The following BAG4 variants were observed in gnomAD, a reference collection of about 807,000 sequenced individuals.
BAG4 encodes the protein BAG cochaperone 4, also known as BAG family molecular chaperone regulator 4.
Under a neutral mutation model 52.1 loss-of-function variants are expected in BAG4, and 28 were observed. The observed-to-expected ratio is 0.54, with a 90% CI of 0.40 to 0.74. The LOEUF (loss-of-function observed/expected upper bound fraction) is 0.74. BAG4 is among the 30% of genes least tolerant of loss of function. The pLI is 0.00. For missense variants in BAG4, 525 were observed against 572.0 expected, an observed-to-expected ratio of 0.92 and a Z score of 0.84; for synonymous variants, 208 against 217.0, an observed-to-expected ratio of 0.96 and a Z score of 0.37.
intron 2 of BAG4, among the ~76,000 whole-genome samples, chr8:38,198,151 A>G (rs964500041): frequency 2.0e-5 from 3 of 151,772 alleles, no homozygotes; most frequent in Non-Finnish European, 2.9e-5. Flanking sequence ...TTGGGAGGCC[A>G]AGGCGGGCAG....
intron 2 of BAG4, among the ~76,000 whole-genome samples, chr8:38,197,517 G>A (rs1418194617): frequency 6.6e-6 from 1 of 152,190 alleles, no homozygotes; most frequent in Admixed American, 6.5e-5. Context: ...AATGGAACTT[G>A]CAGGACTGGA....
chr8:38,179,022 G>C (rs908120746), intron 1 of BAG4, among the ~76,000 whole-genome samples: 6 of 152,238 alleles, frequency 3.9e-5, no homozygotes, highest in Admixed American at 3.9e-4. Context: ...AATCAGTGGT[G>C]ATGGTTGCAC....
chr8:38,194,857 T>TG (rs1306514964), intron 2 of BAG4, among the ~76,000 whole-genome samples: 23 of 149,504 alleles, frequency 1.5e-4, no homozygotes, highest in African/African-American at 5.4e-4. Flanking sequence ...GTTTTTTTTT[T>TG]TTTTTGTTTT....
At chr8:38,188,245 C>T (rs1222638773) in intron 1 of BAG4, among the ~76,000 whole-genome samples, 1 of 151,032 alleles carries the variant, frequency 6.6e-6, no homozygotes, top group Non-Finnish European at 1.5e-5. Context: ...ACATGTAAAT[C>T]CAGCTATATC....
In BAG4 at chr8:38,188,309, TA is replaced by T. The variant is rs34790731; in HGVS notation, c.271-4369del. 7.1e-4 allele frequency among the ~76,000 whole-genome samples: 106 copies of T among 148,532 alleles called. 2 individuals carry two copies. In the South Asian group the frequency reaches 0.019, roughly 27 times the overall value. Reference sequence around the variant, plus strand: ...AATCTAGTCAGAAGACAGACTGGATTAAAAAAAAAACAAGATCCAATTATAT... The same window carrying T: ...AATCTAGTCAGAAGACAGACTGGATTAAAAAAAAACAAGATCCAATTATAT... On this transcript the variant is annotated intron_variant, in intron 1 of 4. Transcript: ENST00000287322.
intron 2 of BAG4, among the ~76,000 whole-genome samples, chr8:38,194,866 T>TG (rs1477483885): frequency 8.4e-5 from 12 of 142,988 alleles, no homozygotes; most frequent in African/African-American, 1.3e-4. Flanking sequence ...TTTTTTTGTT[T>TG]TTTTTTTTGG....
In BAG4 at chr8:38,180,522, C is replaced by CAAAAA. The variant is rs1161178024; in HGVS notation, c.270+3405_270+3409dup. Among the ~76,000 whole-genome samples, 8 of 26,488 alleles carry CAAAAA rather than the reference C, an allele frequency of 3.0e-4. 2 individuals carry two copies. The highest frequency in any genetic ancestry group is 4.3e-4 in the Admixed American group (1 of 2,348). The allele number at this position is 26,488 out of a possible 152,430, so 17.4% of individuals were successfully genotyped here. Reference sequence around the variant, plus strand: ...TGGGCAGCAAAGCGAGACTCCGTCTCAAAAAAAAAAAAAAAAAAAAAAAAA... The same window carrying CAAAAA: ...TGGGCAGCAAAGCGAGACTCCGTCTCAAAAAAAAAAAAAAAAAAAAAAAAAAAAAA... On this transcript the variant is annotated intron_variant, in intron 1 of 4. Coordinates refer to ENST00000287322, the MANE Select transcript of BAG4 (RefSeq NM_004874.4).
chr8:38,183,036 CTTT>C (rs539995423), intron 1 of BAG4, among the ~76,000 whole-genome samples: 1 of 100,110 alleles, frequency 1.0e-5, no homozygotes, highest in African/African-American at 3.7e-5. Context: ...ACTGACCCAT[CTTT>C]TTTTTTTTTT....
At chr8:38,202,751 A>C (rs1803703266) in intron 2 of BAG4, 1 of 151,784 alleles carries the variant, frequency 6.6e-6, no homozygotes, top group South Asian at 2.1e-4. Context: ...TTTGTTGCCC[A>C]GGCTGGTCTG....
chr8:38,189,627 G>C (rs1803434739), intron 1 of BAG4, among the ~76,000 whole-genome samples: 1 of 152,140 alleles, frequency 6.6e-6, no homozygotes, highest in African/African-American at 2.4e-5. Flanking sequence ...CTACCTGTGT[G>C]TCTTCTCATC....
At position 38,210,757 on chromosome 8, in the gene BAG4, G is replaced by C. The variant is rs751610425; in HGVS notation, c.*264G>C. The C allele has an allele frequency of 6.6e-5, 20 of 302,722 alleles. No homozygotes were observed. The highest frequency in any genetic ancestry group is 2.7e-4 in the African/African-American group (12 of 45,226). 18.8% of individuals were successfully genotyped at this position (302,722 alleles called of 1,614,324 possible). On this transcript the variant is annotated 3_prime_UTR_variant, in exon 5 of 5. Transcript: ENST00000287322. Reference sequence around the variant, plus strand: ...TAGACTCACTCCTTAAAAAATTTATGGATATCTACAAGCTGCTTCTTACCA... The same window carrying C: ...TAGACTCACTCCTTAAAAAATTTATCGATATCTACAAGCTGCTTCTTACCA...
intron 1 of BAG4, among the ~76,000 whole-genome samples, chr8:38,191,108 A>T (rs542269170): frequency 6.6e-6 from 1 of 152,162 alleles, no homozygotes; most frequent in Non-Finnish European, 1.5e-5. Context: ...ATTCATACTG[A>T]TATTTACAAT....
In BAG4 at chr8:38,209,258, G is replaced by A; in HGVS notation, c.879G>A (p.Gln293=). ...SPQSPPSPPV[Q]QPKDSSYPYS... ...AGTCACCCCCTTCACCCCCAGTCCA[G>A]CAGCCCAAGGTAGGAGACCTAAATG... is the stretch of plus-strand genomic sequence containing the variant. The change falls in exon 4 of 5, where the codon CAG becomes CAA. Residue 293 remains glutamine (Q), a synonymous_variant. Transcript: ENST00000287322. The A allele has an allele frequency of 6.2e-7, 1 of 1,614,128 alleles. No homozygotes were observed. Among genetic ancestry groups the A allele is most frequent in the South Asian group, 1.1e-5 (1 of 91,084 alleles).
At position 38,211,202 on chromosome 8, in the gene BAG4, C is replaced by CTTTTTTTTTTTTT. The variant is rs758224495; in HGVS notation, c.*719_*731dup. 1 of 93,672 alleles carries CTTTTTTTTTTTTT rather than the reference C, an allele frequency of 1.1e-5. No individual in the cohort carries two copies. The highest frequency in any genetic ancestry group is 1.1e-4 in the Admixed American group (1 of 8,826). The allele number at this position is 93,672 out of a possible 1,614,324, so 5.8% of individuals were successfully genotyped here. Reference sequence around the variant, plus strand: ...ATCATTAGGTTAGAGTTTTTTTCTTCTTTTTTTTTTTTTTTTTTTTTTACC... The same window carrying CTTTTTTTTTTTTT: ...ATCATTAGGTTAGAGTTTTTTTCTTCTTTTTTTTTTTTTTTTTTTTTTTTTTTTTTTTTTTACC... On this transcript the variant is annotated 3_prime_UTR_variant, in exon 5 of 5. Transcript: ENST00000287322.
chr8:38,191,402 A>C (rs1803471393), intron 1 of BAG4, among the ~76,000 whole-genome samples: 1 of 152,174 alleles, frequency 6.6e-6, no homozygotes, highest in Admixed American at 6.6e-5. Flanking sequence ...CTGCCAATGA[A>C]TTTCTTTGTG....
intron 3 of BAG4, among the ~76,000 whole-genome samples, chr8:38,208,201 T>G (rs1050852520): frequency 6.6e-6 from 1 of 151,456 alleles, no homozygotes; most frequent in Non-Finnish European, 1.5e-5. Flanking sequence ...GGTCTTGATC[T>G]CCTGACCTCG....
chr8:38,209,274 G>T lies in BAG4; in HGVS notation c.888+7G>T. On this transcript the variant is annotated splice_region_variant and intron_variant, in intron 4 of 4. Coordinates refer to ENST00000287322, the MANE Select transcript of BAG4 (RefSeq NM_004874.4). ...CCCAGTCCAGCAGCCCAAGGTAGGA[G>T]ACCTAAATGTTGTTCCTTTAATGTG... is the stretch of plus-strand genomic sequence containing the variant. 2 of 1,614,098 alleles carry T rather than the reference G, an allele frequency of 1.2e-6. No individual in the cohort carries two copies. Among genetic ancestry groups the T allele is most frequent in the Non-Finnish European group, 1.7e-6 (2 of 1,180,010 alleles).
chr8:38,193,102 A>G (rs1000586552), intron 2 of BAG4, among the ~76,000 whole-genome samples: 15 of 152,302 alleles, frequency 9.8e-5, no homozygotes, highest in African/African-American at 3.1e-4. Flanking sequence ...TATAAAAAGT[A>G]CAGAAAATAT....
chr8:38,207,919 A>G (rs1803800097), intron 3 of BAG4, among the ~76,000 whole-genome samples, 153 bp downstream of exon 3: 1 of 151,852 alleles, frequency 6.6e-6, no homozygotes, highest in Non-Finnish European at 1.5e-5. Flanking sequence ...TGTGGCAGCT[A>G]TTGCAGTAAA....
Sources: gnomAD v4.1 joint callset for allele counts (sites outside exome capture counted in the v4.1 genomes callset) on GRCh38, gnomAD v4.1.1 for gene constraint, MANE v1.5 for transcripts, NCBI Gene and HGNC (gene_info 2026-07-23, HGNC 2026-07-21) for gene names.